The following NREP variants were observed in gnomAD, a reference collection of about 807,000 sequenced individuals.
The protein encoded by NREP is neuronal regeneration related protein.
Under a neutral mutation model 8.6 loss-of-function variants are expected in NREP, and 5 were observed. That is an observed-to-expected ratio of 0.58 (90% CI 0.30 to 1.22). NREP has a LOEUF of 1.22. NREP is among the 50% of genes most tolerant of loss of function. The pLI is 0.07. For synonymous variants in NREP, 27 were observed against 28.0 expected (o/e 0.96, Z 0.11); for missense variants, 86 against 82.5 (o/e 1.04, Z -0.17).
chr5:111,926,480 C>A (rs1040803914), intron 2 of NREP, among the ~76,000 whole-genome samples: 5 of 152,042 alleles, frequency 3.3e-5, no homozygotes, highest in African/African-American at 4.8e-5. Context: ...GGACTTCAGA[C>A]CATTTGCCCT....
In NREP at chr5:111,749,706, A is replaced by T. The variant is rs1337281411; in HGVS notation, c.3+6064T>A. Among the ~76,000 whole-genome samples, 3 of 152,184 alleles carry T rather than the reference A, an allele frequency of 2.0e-5. No homozygotes were observed. The East Asian group carries it at 5.8e-4, about 29-fold the overall frequency. ...CCAGTCAGCCTCACAGGAGGGAAGC[A>T]TGATCTTTCTATCGGGGAGCTTGCA... On this transcript the variant is annotated intron_variant, in intron 2 of 3. Coordinates refer to ENST00000257435, the MANE Select transcript of NREP (RefSeq NM_004772.4).
At chr5:111,861,769 A>T (rs1037804968) in intron 2 of NREP, among the ~76,000 whole-genome samples, 4 of 152,190 alleles carry the variant, frequency 2.6e-5, no homozygotes, top group African/African-American at 9.6e-5. Flanking sequence ...ATAAATATTA[A>T]TGATAATCCT....
At chr5:111,819,009 A>G (rs750311596) in intron 2 of NREP, among the ~76,000 whole-genome samples, 4 of 152,224 alleles carry the variant, frequency 2.6e-5, no homozygotes, top group Non-Finnish European at 5.9e-5. Flanking sequence ...AGTGAACTCC[A>G]AGTTTCTCTT....
At chr5:111,756,320 C>CGG in intron 1 of NREP, 1 of 30,650 alleles carries the variant, frequency 3.3e-5, no homozygotes, top group Non-Finnish European at 5.9e-5. Flanking sequence ...AAACCCTACA[C>CGG]GGCGGGGGGG....
At chr5:111,886,203 C>CA (rs1294810926) in intron 2 of NREP, among the ~76,000 whole-genome samples, 1 of 152,118 alleles carries the variant, frequency 6.6e-6, no homozygotes, top group Non-Finnish European at 1.5e-5. Context: ...TTTATGCAGC[C>CA]AAAAACCACA....
At chr5:111,879,719 G>C (rs1439388366) in intron 2 of NREP, among the ~76,000 whole-genome samples, 1 of 152,200 alleles carries the variant, frequency 6.6e-6, no homozygotes, top group African/African-American at 2.4e-5. Context: ...CTGGAGGCTA[G>C]AAATCCTAGA....
chr5:111,964,372 G>C (rs1040838953), intron 2 of NREP, among the ~76,000 whole-genome samples: 1 of 151,814 alleles, frequency 6.6e-6, no homozygotes, highest in African/African-American at 2.4e-5. Context: ...CACTGTTTTG[G>C]GGGGGTTTTC....
intron 2 of NREP, among the ~76,000 whole-genome samples, chr5:111,831,173 G>T (rs1433322975): frequency 1.3e-5 from 2 of 152,136 alleles, no homozygotes; most frequent in Admixed American, 1.3e-4. Context: ...ATCTGGAAGC[G>T]CATCTGTGGT....
At chr5:111,917,613 G>A (rs778436903) in intron 2 of NREP, among the ~76,000 whole-genome samples, 1 of 152,126 alleles carries the variant, frequency 6.6e-6, no homozygotes, top group African/African-American at 2.4e-5. Context: ...AAAACCACCT[G>A]ATTATCTCCA....
chr5:111,789,258 TTC>T (rs1328949711), intron 2 of NREP, among the ~76,000 whole-genome samples: 2 of 152,236 alleles, frequency 1.3e-5, no homozygotes, highest in Non-Finnish European at 2.9e-5. Flanking sequence ...GCAGCTTTTT[TTC>T]TTTCTCTTGA....
chr5:111,741,412 T>C (rs1293172304), intron 2 of NREP, among the ~76,000 whole-genome samples: 1 of 151,314 alleles, frequency 6.6e-6, no homozygotes, highest in Non-Finnish European at 1.5e-5. Context: ...GGTGGTGCTA[T>C]AAAGAATCTC....
At chr5:111,956,101 C>A (rs1756308667) in intron 2 of NREP, among the ~76,000 whole-genome samples, 1 of 152,016 alleles carries the variant, frequency 6.6e-6, no homozygotes, top group South Asian at 2.1e-4. Flanking sequence ...TGCCAAGGAA[C>A]AGTGAGAGCC....
chr5:111,860,885 T>G (rs77874717), intron 2 of NREP, among the ~76,000 whole-genome samples: 4 of 152,166 alleles, frequency 2.6e-5, no homozygotes, highest in Non-Finnish European at 2.9e-5. Flanking sequence ...CTAAGGTTCA[T>G]GGCTCATAAA....
intron 2 of NREP, among the ~76,000 whole-genome samples, chr5:111,803,590 T>G (rs1178391130): frequency 6.6e-6 from 1 of 152,236 alleles, no homozygotes; most frequent in Non-Finnish European, 1.5e-5. Flanking sequence ...TCAAAGCATT[T>G]ATGTTAATGC....
chr5:111,836,885 G>C (rs1752908667), intron 2 of NREP, among the ~76,000 whole-genome samples: 1 of 151,808 alleles, frequency 6.6e-6, no homozygotes, highest in African/African-American at 2.4e-5. Flanking sequence ...ACTTCTTTCT[G>C]GGTGCTAGGA....
intron 2 of NREP, among the ~76,000 whole-genome samples, chr5:111,824,046 G>A (rs971358703): frequency 3.3e-5 from 5 of 152,164 alleles, no homozygotes; most frequent in African/African-American, 9.7e-5. Context: ...AGGGACCAAA[G>A]GTAAGAGTGG....
chr5:111,728,838 C>T (rs565645382), downstream of NREP: 2 of 152,122 alleles, frequency 1.3e-5, no homozygotes, highest in African/African-American at 4.8e-5. Context: ...TATCCTCTTA[C>T]AAAAGTTTAA....
chr5:111,902,540 A>G (rs765475833), intron 2 of NREP, among the ~76,000 whole-genome samples: 10 of 152,202 alleles, frequency 6.6e-5, no homozygotes, highest in Non-Finnish European at 1.2e-4. Context: ...ACCACGAGGT[A>G]GAAAGAAGTG....
At chr5:111,967,698 C>A (rs761065966) in intron 2 of NREP, among the ~76,000 whole-genome samples, 6 of 152,066 alleles carry the variant, frequency 3.9e-5, no homozygotes, top group African/African-American at 1.4e-4. Flanking sequence ...ATGTGAGGAT[C>A]GCCTCTGCCC....
Sources: allele counts gnomAD v4.1 joint callset (sites outside exome capture counted in the v4.1 genomes callset), GRCh38; gene constraint gnomAD v4.1.1; transcripts MANE v1.5; gene names NCBI Gene and HGNC (gene_info 2026-07-23, HGNC 2026-07-21).